The following SLC16A2 variants were observed in gnomAD, a reference collection of about 807,000 sequenced individuals.
The protein encoded by SLC16A2 is solute carrier family 16 member 2, also known as monocarboxylate transporter 8.
In SLC16A2, 3 loss-of-function variants were observed where a neutral mutation model predicts 27.2. The observed-to-expected ratio is 0.11, with a 90% CI of 0.05 to 0.28. The LOEUF (loss-of-function observed/expected upper bound fraction) is 0.28, where lower values mean the gene tolerates loss of function less well. SLC16A2 is among the 10% of genes least tolerant of loss of function. The pLI, the probability that SLC16A2 is intolerant of heterozygous loss-of-function variation, is 1.00. For missense variants in SLC16A2, 295 were observed against 458.5 expected, an observed-to-expected ratio of 0.64 and a Z score of 3.26; for synonymous variants, 202 against 187.8, an observed-to-expected ratio of 1.08 and a Z score of -0.62.
At chrX:74,431,819 T>C (rs1407978092) in intron 1 of SLC16A2, among the ~76,000 whole-genome samples, 1 of 111,366 alleles carries the variant, frequency 9.0e-6, no homozygotes, top group Non-Finnish European at 1.9e-5. Context: ...TTATTATCCT[T>C]TTCCAGCCTC....
chrX:74,524,503 C>T lies in SLC16A2; in HGVS notation c.720C>T (p.Ser240=). Residue 240 remains serine (S), a synonymous_variant, in exon 3 of 6, where the codon AGC becomes AGT. Transcript: ENST00000587091. ...LANGVVSAGS[S]IFSMSFPFLI... is the part of the protein sequence containing the mutation. ...ATGGTGTGGTGTCTGCTGGGAGTAG[C>T]ATTTTCTCCATGTCCTTCCCCTTCC... 1 of 1,211,520 alleles carries T rather than the reference C, an allele frequency of 8.3e-7. No individual in the cohort carries two copies. Among genetic ancestry groups the T allele is most frequent in the Non-Finnish European group, 1.1e-6 (1 of 895,405 alleles).
chrX:74,473,502 C>G, intron 1 of SLC16A2: 3 of 585,385 alleles, frequency 5.1e-6, no homozygotes, highest in Non-Finnish European at 8.8e-6. Context: ...GTTACAAAGG[C>G]AAAATCCCTT....
Position 74,525,703 on chromosome X carries a change from C to T in SLC16A2, c.1027-47C>T. 3 of 1,201,508 alleles carry T rather than the reference C, an allele frequency of 2.5e-6. No individual in the cohort carries two copies. In the South Asian group the frequency reaches 5.3e-5, roughly 21 times the overall value. On this transcript the variant is annotated intron_variant, in intron 3 of 5. Coordinates refer to ENST00000587091, the MANE Select transcript of SLC16A2 (RefSeq NM_006517.5). Reference sequence around the variant, plus strand: ...TATGCCTACAGTTAACCAGTCAGCTCCTCTTTCTCCTCCTGTTTCTGGGGA... The same window carrying T: ...TATGCCTACAGTTAACCAGTCAGCTTCTCTTTCTCCTCCTGTTTCTGGGGA...
At chrX:74,452,177 C>A (rs755505594) in intron 1 of SLC16A2, among the ~76,000 whole-genome samples, 11 of 112,441 alleles carry the variant, frequency 9.8e-5, no homozygotes, top group African/African-American at 2.9e-4. Context: ...CACCACACTT[C>A]CAATTGCCAG....
At chrX:74,440,821 T>TGTGC (rs1555981428) in intron 1 of SLC16A2, among the ~76,000 whole-genome samples, 3 of 110,549 alleles carry the variant, frequency 2.7e-5, no homozygotes, top group African/African-American at 9.9e-5. Flanking sequence ...TGTGTGTGTG[T>TGTGC]GCACGCGCAT....
chrX:74,523,949 A>G (rs1373199992), intron 2 of SLC16A2, among the ~76,000 whole-genome samples: 3 of 111,615 alleles, frequency 2.7e-5, no homozygotes, highest in East Asian at 5.6e-4. Context: ...CCTGGGATAA[A>G]AGCTTTGCCA....
chrX:74,455,828 A>G (rs183070245), intron 1 of SLC16A2, among the ~76,000 whole-genome samples: 5 of 111,497 alleles, frequency 4.5e-5, no homozygotes, highest in Non-Finnish European at 9.4e-5. Context: ...GTTCCAAAAT[A>G]CCTATTCACA....
intron 4 of SLC16A2, among the ~76,000 whole-genome samples, chrX:74,526,652 A>C (rs983828829): frequency 2.7e-5 from 3 of 112,489 alleles, no homozygotes; most frequent in African/African-American, 9.7e-5. Flanking sequence ...GTGGAGAAAC[A>C]GAGGGAAAGG....
In SLC16A2 at chrX:74,531,787, G is replaced by A; in HGVS notation, c.*234G>A. ...CTTTCTCCTCCCAGGATCTGGGAAA[G>A]CTTGGGAACCACCCCTGGCCTTTGG... On this transcript the variant is annotated 3_prime_UTR_variant, in exon 6 of 6. Coordinates refer to ENST00000587091, the MANE Select transcript of SLC16A2 (RefSeq NM_006517.5). 2.2e-6 allele frequency: 1 copy of A among 446,617 alleles called. No individual in the cohort carries two copies. Among genetic ancestry groups the A allele is most frequent in the Non-Finnish European group, 3.9e-6 (1 of 253,581 alleles). The allele number at this position is 446,617 out of a possible 1,213,427, so 36.8% of individuals were successfully genotyped here.
intron 1 of SLC16A2, among the ~76,000 whole-genome samples, chrX:74,448,455 T>C (rs1300742074): frequency 9.1e-6 from 1 of 109,807 alleles, no homozygotes; most frequent in Non-Finnish European, 1.9e-5. Flanking sequence ...AATATTATGT[T>C]CTCTCACCCT....
intron 1 of SLC16A2, among the ~76,000 whole-genome samples, chrX:74,495,970 G>A (rs1263087329): frequency 9.0e-6 from 1 of 111,103 alleles, no homozygotes; most frequent in South Asian, 3.9e-4. Flanking sequence ...AGGGGGCAGT[G>A]TTCAGGCCAC....
chrX:74,501,721 G>A (rs1007787768), intron 1 of SLC16A2, among the ~76,000 whole-genome samples: 3 of 111,274 alleles, frequency 2.7e-5, no homozygotes, highest in Non-Finnish European at 3.8e-5. Flanking sequence ...TGGCCTCAGC[G>A]ACTCTCTTCA....
chrX:74,464,617 A>G (rs1305007726), intron 1 of SLC16A2, among the ~76,000 whole-genome samples: 1 of 111,769 alleles, frequency 8.9e-6, no homozygotes, highest in African/African-American at 3.3e-5. Flanking sequence ...GATGGTATTA[A>G]TTTCCTTTTA....
At chrX:74,483,107 A>G (rs555515824) in intron 1 of SLC16A2, among the ~76,000 whole-genome samples, 5 of 110,990 alleles carry the variant, frequency 4.5e-5, no homozygotes, top group African/African-American at 1.6e-4. Context: ...AATGAAGCCT[A>G]TTTCCCTGCA....
chrX:74,483,545 A>G (rs1299412723), intron 1 of SLC16A2, among the ~76,000 whole-genome samples: 1 of 110,682 alleles, frequency 9.0e-6, no homozygotes, highest in Non-Finnish European at 1.9e-5. Flanking sequence ...TATAGACAAA[A>G]ACTTCTTCAC....
intron 1 of SLC16A2, among the ~76,000 whole-genome samples, chrX:74,484,541 A>C (rs1929681606): frequency 1.8e-5 from 2 of 111,799 alleles, no homozygotes; most frequent in African/African-American, 6.5e-5. Context: ...GTCTGTGTTG[A>C]TGTTAATAAC....
chrX:74,422,503 A>G (rs962014101), intron 1 of SLC16A2, among the ~76,000 whole-genome samples: 5 of 108,296 alleles, frequency 4.6e-5, no homozygotes, highest in Non-Finnish European at 9.6e-5. Context: ...TGAGAGAAGC[A>G]CTGTACCGCT....
chrX:74,470,847 A>T (rs1252686366), intron 1 of SLC16A2, among the ~76,000 whole-genome samples: 1 of 110,670 alleles, frequency 9.0e-6, no homozygotes, highest in Non-Finnish European at 1.9e-5. Context: ...CTGAGGTAGG[A>T]GAATGGCGTG....
At chrX:74,439,158 CTCTTTCTT>C (rs765500073) in intron 1 of SLC16A2, among the ~76,000 whole-genome samples, 18 of 62,218 alleles carry the variant, frequency 2.9e-4, no homozygotes, top group Non-Finnish European at 4.7e-4. Context: ...GCTTGCTCAA[CTCTTTCTT>C]TCTTTCTTTC....
Sources: gnomAD v4.1 joint callset for allele counts (sites outside exome capture counted in the v4.1 genomes callset) on GRCh38, gnomAD v4.1.1 for gene constraint, MANE v1.5 for transcripts, NCBI Gene and HGNC (gene_info 2026-07-23, HGNC 2026-07-21) for gene names.